CDH17: variants seen among roughly 807,000 people sequenced by gnomAD.
CDH17 encodes cadherin-17.
In CDH17, 67 loss-of-function variants were observed where a neutral mutation model predicts 86.3. The ratio of observed to expected loss-of-function variants is 0.78; its 90% CI spans 0.64 to 0.95. The LOEUF is 0.95. CDH17 is among the 40% of genes least tolerant of loss of function. The pLI, the probability that CDH17 is intolerant of heterozygous loss-of-function variation, is 0.00. For synonymous variants in CDH17, 367 were observed against 366.4 expected (o/e 1.00, Z -0.02); for missense variants, 993 against 1,017.6 (o/e 0.98, Z 0.33).
chr8:94,151,074 T>C (rs1242299646), intron 13 of CDH17, among the ~76,000 whole-genome samples: 4 of 152,182 alleles, frequency 2.6e-5, no homozygotes, highest in Non-Finnish European at 4.4e-5. Context: ...TGTCTGCCAT[T>C]CATAGCCACA....
chr8:94,192,312 G>A (rs1031756465), intron 2 of CDH17, among the ~76,000 whole-genome samples: 2 of 152,188 alleles, frequency 1.3e-5, no homozygotes, highest in African/African-American at 2.4e-5. Flanking sequence ...ACAAGATGGC[G>A]GCTTTATGCA....
chr8:94,153,871 G>C (rs1812900886), intron 12 of CDH17, among the ~76,000 whole-genome samples: 1 of 152,164 alleles, frequency 6.6e-6, no homozygotes, highest in South Asian at 2.1e-4. Flanking sequence ...GTAGAATGTT[G>C]GTTACCAGGA....
At chr8:94,166,791 G>A (rs1166103416) in intron 9 of CDH17, among the ~76,000 whole-genome samples, 1 of 152,144 alleles carries the variant, frequency 6.6e-6, no homozygotes, top group African/African-American at 2.4e-5. Context: ...TCTGGAGGAG[G>A]AAGCCAGAAG....
intron 1 of CDH17, among the ~76,000 whole-genome samples, chr8:94,197,754 C>T (rs1199186330): frequency 1.3e-5 from 2 of 151,212 alleles, no homozygotes; most frequent in African/African-American, 4.9e-5. Flanking sequence ...TTGCTTGAAC[C>T]TGGAAGGCAG....
At chr8:94,209,684 T>A (rs1814090486), upstream of CDH17, among the ~76,000 whole-genome samples, 1 of 152,196 alleles carries the variant, frequency 6.6e-6, no homozygotes, top group South Asian at 2.1e-4. Context: ...ACAGCCAGCA[T>A]CACTCATTTA....
intron 9 of CDH17, among the ~76,000 whole-genome samples, chr8:94,167,628 G>A (rs1376213901): frequency 6.6e-6 from 1 of 152,184 alleles, no homozygotes; most frequent in Non-Finnish European, 1.5e-5. Flanking sequence ...TGTGTGCTGG[G>A]ATGAAAGAGT....
intron 14 of CDH17, among the ~76,000 whole-genome samples, chr8:94,148,271 G>A (rs1041681510): frequency 1.3e-5 from 2 of 152,156 alleles, no homozygotes; most frequent in Admixed American, 1.3e-4. Flanking sequence ...GCTGGGCGTG[G>A]TGGCTCACAC....
intron 15 of CDH17, among the ~76,000 whole-genome samples, chr8:94,140,148 A>T (rs1021244631): frequency 1.3e-5 from 2 of 152,096 alleles, no homozygotes; most frequent in Non-Finnish European, 2.9e-5. Flanking sequence ...TGGGCCTGGC[A>T]TGGTGGTTCA....
chr8:94,192,071 G>A (rs1434795661), intron 2 of CDH17, among the ~76,000 whole-genome samples: 1 of 152,188 alleles, frequency 6.6e-6, no homozygotes, highest in Non-Finnish European at 1.5e-5. Flanking sequence ...CACAAACAAG[G>A]CTGCACTATT....
At chr8:94,214,237 C>T (rs962392994) in intron 1 of CDH17, among the ~76,000 whole-genome samples, 1 of 152,104 alleles carries the variant, frequency 6.6e-6, no homozygotes, top group Admixed American at 6.5e-5. Flanking sequence ...CTAGGAAGTA[C>T]TGTCATGGGG....
rs528126133 is a variant in CDH17 at position 94,200,841 on chromosome 8, G to A, written c.-20-6136C>T. On this transcript the variant is annotated intron_variant, in intron 1 of 17. Transcript: ENST00000027335. ...AAACATTGACTGAAAACAATTTGCT[G>A]CATGCACCGATAAGACTTGGTGGTG... Among the ~76,000 whole-genome samples the A allele has an allele frequency of 3.3e-5, 5 of 152,234 alleles. No individual in the cohort carries two copies. In the East Asian group the frequency reaches 7.7e-4, roughly 24 times the overall value.
Position 94,170,520 on chromosome 8 carries a change from C to T in CDH17, c.943G>A (p.Glu315Lys), listed in dbSNP as rs1813248642. 38 of 1,613,832 alleles carry T rather than the reference C, an allele frequency of 2.4e-5. No individual in the cohort carries two copies. Among genetic ancestry groups the T allele is most frequent in the Non-Finnish European group, 3.2e-5 (38 of 1,179,824 alleles). The change falls in exon 9 of 18, where the codon GAG (glutamate) becomes AAG (lysine). Residue 315 changes from glutamate (E) to lysine (K), a missense_variant. By Grantham distance (56) the Glu-to-Lys change is moderately conservative (BLOSUM62 1). Transcript: ENST00000027335. Reference sequence around the variant, plus strand: ...GGATATGAAAGTGGTTTTCCGTACTCATCCTTTGCAACTGCATAAAAAACA... The same window carrying T: ...GGATATGAAAGTGGTTTTCCGTACTTATCCTTTGCAACTGCATAAAAAACA... ...AYVFYAVAKDEYGKPLSYPLE... is the reference protein window; with the variant it reads ...AYVFYAVAKDKYGKPLSYPLE...
Position 94,189,272 on chromosome 8 carries a change from C to T in CDH17, c.65G>A (p.Gly22Asp), listed in dbSNP as rs1247706878. 2 of 1,609,662 alleles carry T rather than the reference C, an allele frequency of 1.2e-6. No individual in the cohort carries two copies. The highest frequency in any genetic ancestry group is 1.7e-6 in the Non-Finnish European group (2 of 1,178,464). Reference protein sequence around the residue: ...LLMLYLATGYGQEGKFSGPLK... With the variant: ...LLMLYLATGYDQEGKFSGPLK... ...GGGTCCACTAAACTTCCCCTCTTGG[C>T]CATATCCAGTTGCCTGTTAAAAAAG... The change falls in exon 3 of 18, where the codon GGC becomes GAC. Residue 22 changes from glycine (G) to aspartate (D), a missense_variant. Coordinates refer to ENST00000027335, the MANE Select transcript of CDH17 (RefSeq NM_004063.4).
At chr8:94,165,622 TTA>T in intron 10 of CDH17, 137 bp downstream of exon 10, 1 of 673,902 alleles carries the variant, frequency 1.5e-6, no homozygotes, top group South Asian at 1.8e-5. Flanking sequence ...TATCTCTGTG[TTA>T]TGTGTGTTTC....
At chr8:94,158,558 G>T (rs1028379838) in intron 12 of CDH17, among the ~76,000 whole-genome samples, 3 of 152,168 alleles carry the variant, frequency 2.0e-5, no homozygotes, top group Admixed American at 1.3e-4. Context: ...CCCGTCACCT[G>T]CAAAGGAACA....
intron 15 of CDH17, among the ~76,000 whole-genome samples, chr8:94,138,833 C>T (rs1439259128): frequency 6.6e-6 from 1 of 152,150 alleles, no homozygotes; most frequent in Non-Finnish European, 1.5e-5. Context: ...TGCCCTGGCC[C>T]TATCTAAGAA....
chr8:94,203,319 A>G (rs1418600892), intron 1 of CDH17, among the ~76,000 whole-genome samples: 4 of 152,200 alleles, frequency 2.6e-5, no homozygotes, highest in Admixed American at 2.6e-4. Context: ...TCAAAGAACA[A>G]AGAAGTTGCA....
chr8:94,171,882 C>T (rs1487565394), intron 7 of CDH17, among the ~76,000 whole-genome samples: 5 of 152,018 alleles, frequency 3.3e-5, no homozygotes, highest in Non-Finnish European at 7.4e-5. Context: ...TTAAGCATCA[C>T]CCATTGTCCC....
chr8:94,202,230 C>T (rs2247434), intron 1 of CDH17: 4,685 of 151,262 alleles, frequency 0.031, 81 homozygotes, highest in Middle Eastern at 0.048. Flanking sequence ...AGTGCAATGA[C>T]GCCATCTCAG....
Sources: gnomAD v4.1 joint callset for allele counts (sites outside exome capture counted in the v4.1 genomes callset) on GRCh38, gnomAD v4.1.1 for gene constraint, MANE v1.5 for transcripts, NCBI Gene and HGNC (gene_info 2026-07-23, HGNC 2026-07-21) for gene names.